The following ARL15 variants were observed in gnomAD, a reference collection of about 807,000 sequenced individuals.
ARL15 encodes ADP-ribosylation factor-like protein 15.
A neutral mutation model predicts 25.2 loss-of-function variants in ARL15; 19 were observed. The observed-to-expected ratio is 0.75, with a 90% CI of 0.53 to 1.10. The LOEUF (loss-of-function observed/expected upper bound fraction) is 1.10, where lower values mean the gene tolerates loss of function less well. Ranked by LOEUF, ARL15 falls within the 50% of genes least tolerant of loss-of-function variation. ARL15 has a pLI of 0.00. For synonymous variants in ARL15, 94 were observed against 86.8 expected, an observed-to-expected ratio of 1.08 and a Z score of -0.46; for missense variants, 220 against 246.0, an observed-to-expected ratio of 0.89 and a Z score of 0.71.
intron 4 of ARL15, among the ~76,000 whole-genome samples, chr5:53,973,055 T>G (rs1747803325): frequency 6.6e-6 from 1 of 152,160 alleles, no homozygotes; most frequent in South Asian, 2.1e-4. Context: ...AGAAAAAGCA[T>G]GAGTGCACTA....
chr5:54,029,529 C>T (rs2111886574), intron 4 of ARL15, among the ~76,000 whole-genome samples: 1 of 152,258 alleles, frequency 6.6e-6, no homozygotes, highest in South Asian at 2.1e-4. Flanking sequence ...ACACATCATA[C>T]TTTCAGTAAA....
intron 2 of ARL15, 128 bp downstream of exon 2, chr5:54,171,656 G>A: frequency 8.6e-7 from 1 of 1,159,138 alleles, no homozygotes. Context: ...AAGAGATAGT[G>A]TTTAAAATTA....
chr5:54,001,056 T>G (rs2111721590), intron 4 of ARL15, among the ~76,000 whole-genome samples: 1 of 152,332 alleles, frequency 6.6e-6, no homozygotes, highest in African/African-American at 2.4e-5. Flanking sequence ...AGGATAAAAC[T>G]TTATATTTTA....
At chr5:53,951,028 T>G (rs1746931233) in intron 4 of ARL15, among the ~76,000 whole-genome samples, 1 of 152,244 alleles carries the variant, frequency 6.6e-6, no homozygotes, top group Non-Finnish European at 1.5e-5. Flanking sequence ...AGAATGGTTT[T>G]CACAGTTTTA....
intron 4 of ARL15, chr5:53,887,527 A>C (rs1744572163): frequency 1.7e-6 from 1 of 592,280 alleles, no homozygotes; most frequent in Non-Finnish European, 3.0e-6. Flanking sequence ...CTGTGAATAA[A>C]TAGCAAATTA....
At chr5:54,082,158 G>T (rs1751821552) in intron 4 of ARL15, among the ~76,000 whole-genome samples, 1 of 151,542 alleles carries the variant, frequency 6.6e-6, no homozygotes, top group African/African-American at 2.4e-5. Context: ...AGTTCTCTGG[G>T]GCTTCTCATG....
intron 1 of ARL15, among the ~76,000 whole-genome samples, chr5:54,288,146 C>T (rs1028017413): frequency 6.6e-6 from 1 of 152,124 alleles, no homozygotes; most frequent in Admixed American, 6.5e-5. Flanking sequence ...GAGAAGTAGA[C>T]CCAGAGAGAA....
intron 3 of ARL15, among the ~76,000 whole-genome samples, chr5:54,149,146 C>T (rs1450291491): frequency 6.6e-6 from 1 of 152,066 alleles, no homozygotes; most frequent in Non-Finnish European, 1.5e-5. Context: ...GGTTAAAGTA[C>T]ATAAGGCAAA....
chr5:54,306,381 A>G (rs1015761930), intron 1 of ARL15, among the ~76,000 whole-genome samples: 2 of 146,880 alleles, frequency 1.4e-5, no homozygotes, highest in African/African-American at 5.0e-5. Flanking sequence ...ACATAATCAC[A>G]ATACGTTAAC....
intron 4 of ARL15, among the ~76,000 whole-genome samples, chr5:53,946,455 G>GAAAAAAAAAAAAA (rs55727717): frequency 3.2e-4 from 14 of 43,932 alleles, no homozygotes; most frequent in Non-Finnish European, 3.6e-4. Context: ...GTCTCAAGAG[G>GAAAAAAAAAAAAA]AAAAAAAAAA....
intron 4 of ARL15, among the ~76,000 whole-genome samples, chr5:54,061,916 G>A (rs750528753): frequency 2.6e-5 from 4 of 152,180 alleles, no homozygotes; most frequent in East Asian, 1.9e-4. Flanking sequence ...GCCAGCCCAC[G>A]AAAGCAGCCA....
intron 4 of ARL15, among the ~76,000 whole-genome samples, chr5:53,898,488 A>G (rs1744945144): frequency 1.3e-5 from 2 of 152,066 alleles, no homozygotes; most frequent in South Asian, 4.1e-4. Flanking sequence ...TATAGGTCTA[A>G]TTTTGATTTC....
intron 4 of ARL15, among the ~76,000 whole-genome samples, chr5:54,054,720 G>A (rs1449591267): frequency 6.6e-6 from 1 of 152,124 alleles, no homozygotes; most frequent in Non-Finnish European, 1.5e-5. Context: ...AACCCAGAAG[G>A]CGGAGCTTGC....
intron 1 of ARL15, among the ~76,000 whole-genome samples, chr5:54,267,530 T>C (rs1757661769): frequency 6.6e-6 from 1 of 152,204 alleles, no homozygotes; most frequent in Admixed American, 6.5e-5. Context: ...AAGGACATAA[T>C]TTCCAACTTG....
intron 1 of ARL15, among the ~76,000 whole-genome samples, chr5:54,248,333 A>G (rs1367258120): frequency 6.6e-6 from 1 of 151,854 alleles, no homozygotes; most frequent in African/African-American, 2.4e-5. Context: ...CCCACCTCCA[A>G]CCTTACCTAT....
intron 4 of ARL15, among the ~76,000 whole-genome samples, chr5:54,065,437 G>A (rs1403995238): frequency 3.3e-5 from 5 of 152,222 alleles, no homozygotes; most frequent in South Asian, 2.1e-4. Context: ...AGGCTGAGGC[G>A]GGCGGATCAC....
chr5:54,089,944 C>T (rs1752083650), intron 4 of ARL15, among the ~76,000 whole-genome samples: 1 of 152,048 alleles, frequency 6.6e-6, no homozygotes, highest in Non-Finnish European at 1.5e-5. Context: ...AATTTTAAAA[C>T]CCAGATAATA....
At chr5:54,203,133 G>C (rs374782709) in intron 1 of ARL15, among the ~76,000 whole-genome samples, 3 of 152,046 alleles carry the variant, frequency 2.0e-5, no homozygotes, top group South Asian at 2.1e-4. Flanking sequence ...TGAATCAACA[G>C]TAAGTCCCAT....
chr5:53,939,972 C>T (rs1403675420), intron 4 of ARL15, among the ~76,000 whole-genome samples: 1 of 135,332 alleles, frequency 7.4e-6, no homozygotes, highest in Non-Finnish European at 1.5e-5. Context: ...AAAATAAAGT[C>T]CTGAACTTTT....
Sources: allele counts gnomAD v4.1 joint callset (sites outside exome capture counted in the v4.1 genomes callset), GRCh38; gene constraint gnomAD v4.1.1; transcripts MANE v1.5; gene names NCBI Gene and HGNC (gene_info 2026-07-23, HGNC 2026-07-21).